PIAS2: variants seen among roughly 807,000 people sequenced by gnomAD.
PIAS2 encodes the protein E3 SUMO-protein ligase PIAS2.
In PIAS2, 19 loss-of-function variants were observed where a neutral mutation model predicts 69.7. The observed-to-expected ratio is 0.27, with a 90% CI of 0.19 to 0.40. The LOEUF (loss-of-function observed/expected upper bound fraction) is 0.40, where lower values mean the gene tolerates loss of function less well. Among genes scored for constraint, PIAS2 ranks in the 10% least tolerant of loss-of-function variants. PIAS2 has a pLI of 1.00. For missense variants in PIAS2, 624 were observed against 757.0 expected (o/e 0.82, Z 2.06); for synonymous variants, 261 against 263.2 (o/e 0.99, Z 0.08).
intron 8 of PIAS2, among the ~76,000 whole-genome samples, chr18:46,838,978 C>T (rs1365024080): frequency 6.6e-6 from 1 of 152,112 alleles, no homozygotes; most frequent in East Asian, 1.9e-4. Context: ...CTATTCAGCA[C>T]CCAATGAGAT....
intron 3 of PIAS2, among the ~76,000 whole-genome samples, chr18:46,857,866 T>C (rs1237871025): frequency 1.3e-5 from 2 of 152,178 alleles, no homozygotes; most frequent in African/African-American, 2.4e-5. Flanking sequence ...ATTTACCATA[T>C]GCTAGGTACT....
At chr18:46,874,583 A>G (rs1745322361) in intron 2 of PIAS2, among the ~76,000 whole-genome samples, 2 of 152,130 alleles carry the variant, frequency 1.3e-5, no homozygotes. Context: ...CCATGGACCA[A>G]ATGCCTTCCC....
chr18:46,889,186 T>C (rs1276757898), intron 2 of PIAS2, among the ~76,000 whole-genome samples: 1 of 152,188 alleles, frequency 6.6e-6, no homozygotes, highest in African/African-American at 2.4e-5. Context: ...AATGATTTCT[T>C]GGATATGACA....
rs869149927 is a variant in PIAS2 at position 46,807,383 on chromosome 18, A to ATATATATATATATAT, written c.*5049_*5050insATATATATATATATA. On this transcript the variant is annotated 3_prime_UTR_variant, in exon 14 of 14. Transcript: ENST00000585916. ...TATATATATATATATATATATATAT[A>ATATATATATATATAT]TTTTTTTTTTTTTTTTTTTTTTTTT... is the stretch of plus-strand genomic sequence containing the variant. 1 of 11,600 alleles carries ATATATATATATATAT rather than the reference A, an allele frequency of 8.6e-5. No individual in the cohort carries two copies. Among genetic ancestry groups the ATATATATATATATAT allele is most frequent in the East Asian group, 3.0e-3 (1 of 328 alleles). The allele number at this position is 11,600 out of a possible 1,614,324, so 0.7% of individuals were successfully genotyped here. A position where few individuals can be genotyped will look rare whatever the true frequency, so the allele number is the denominator to read the frequency against.
intron 5 of PIAS2, among the ~76,000 whole-genome samples, chr18:46,852,425 C>A (rs2047101738): frequency 6.6e-6 from 1 of 152,180 alleles, no homozygotes; most frequent in South Asian, 2.1e-4. Context: ...TCTATTTCTT[C>A]TCCTCCTTCA....
chr18:46,879,126 C>A (rs2051747418), intron 2 of PIAS2, among the ~76,000 whole-genome samples: 1 of 152,196 alleles, frequency 6.6e-6, no homozygotes, highest in African/African-American at 2.4e-5. Context: ...ACTGTATCAT[C>A]ACCAACTAAA....
At chr18:46,849,615 T>A (rs1223315855) in intron 5 of PIAS2, among the ~76,000 whole-genome samples, 4 of 152,180 alleles carry the variant, frequency 2.6e-5, no homozygotes, top group African/African-American at 9.7e-5. Flanking sequence ...CCTACCCTAC[T>A]TGCAACTGTG....
intron 2 of PIAS2, among the ~76,000 whole-genome samples, chr18:46,875,078 A>G (rs1841722126): frequency 6.6e-6 from 1 of 152,182 alleles, no homozygotes; most frequent in Admixed American, 6.5e-5. Flanking sequence ...TTCCAACAGA[A>G]GGTCACCTTG....
chr18:46,874,505 G>GA, intron 2 of PIAS2, among the ~76,000 whole-genome samples: 1 of 152,120 alleles, frequency 6.6e-6, no homozygotes, highest in Non-Finnish European at 1.5e-5. Flanking sequence ...CCTTCATCAG[G>GA]AAGAGTAGAA....
chr18:46,913,501 C>T (rs2057478149), intron 1 of PIAS2, among the ~76,000 whole-genome samples: 1 of 150,484 alleles, frequency 6.6e-6, no homozygotes, highest in Non-Finnish European at 1.5e-5. Flanking sequence ...CTGAGACACA[C>T]ACAGAATAAA....
At chr18:46,906,777 G>GC (rs1568882042) in intron 1 of PIAS2, among the ~76,000 whole-genome samples, 1 of 144,656 alleles carries the variant, frequency 6.9e-6, no homozygotes, top group Non-Finnish European at 1.5e-5. Flanking sequence ...TGTGTGTGGG[G>GC]GGGGGGGGAG....
At chr18:46,894,298 T>C (rs2054516453) in intron 1 of PIAS2, among the ~76,000 whole-genome samples, 1 of 152,180 alleles carries the variant, frequency 6.6e-6, no homozygotes, top group Non-Finnish European at 1.5e-5. Context: ...TCACCAAGTT[T>C]CAGGCCCTTC....
intron 1 of PIAS2, chr18:46,916,914 G>A: frequency 1.0e-6 from 1 of 985,502 alleles, no homozygotes; most frequent in Non-Finnish European, 1.2e-6. Flanking sequence ...TCCACCAAGT[G>A]AGTAGCATGC....
chr18:46,884,858 G>C (rs531011551), intron 2 of PIAS2, among the ~76,000 whole-genome samples: 1 of 151,986 alleles, frequency 6.6e-6, no homozygotes, highest in East Asian at 2.0e-4. Context: ...CAGAGGTTGC[G>C]GTGAGCTGAG....
chr18:46,844,404 C>G (rs138668513), intron 7 of PIAS2, among the ~76,000 whole-genome samples: 238 of 152,228 alleles, frequency 1.6e-3, no homozygotes, highest in African/African-American at 4.5e-3. Flanking sequence ...GGAGAGGAAG[C>G]TGGAATGCAG....
At chr18:46,854,394 C>A (rs1161061472) in intron 5 of PIAS2, among the ~76,000 whole-genome samples, 2 of 152,214 alleles carry the variant, frequency 1.3e-5, no homozygotes, top group Non-Finnish European at 2.9e-5. Context: ...GTCAGGGAGT[C>A]ACTGCTCTCT....
chr18:46,877,463 G>A (rs371498239), intron 2 of PIAS2, among the ~76,000 whole-genome samples: 7 of 152,060 alleles, frequency 4.6e-5, no homozygotes, highest in East Asian at 1.9e-4. Flanking sequence ...TTTGGAAAGC[G>A]TCCTCTTCAC....
chr18:46,851,813 T>A (rs2047010624), intron 5 of PIAS2, among the ~76,000 whole-genome samples: 1 of 152,222 alleles, frequency 6.6e-6, no homozygotes. Context: ...AGTGGTCAAC[T>A]GCCATGGGTC....
chr18:46,887,273 A>T (rs2145939207), intron 2 of PIAS2, among the ~76,000 whole-genome samples: 1 of 152,094 alleles, frequency 6.6e-6, no homozygotes, highest in Non-Finnish European at 1.5e-5. Context: ...AAAAAAAAAA[A>T]ATAGCCACAT....
Sources: allele counts gnomAD v4.1 joint callset (sites outside exome capture counted in the v4.1 genomes callset), GRCh38; gene constraint gnomAD v4.1.1; transcripts MANE v1.5; gene names NCBI Gene and HGNC (gene_info 2026-07-23, HGNC 2026-07-21).